The following ESRRG variants were observed in gnomAD, a reference collection of about 807,000 sequenced individuals.
ESRRG encodes the protein estrogen related receptor gamma, also known as estrogen-related receptor gamma.
A neutral mutation model predicts 44.0 loss-of-function variants in ESRRG; 13 were observed. The ratio of observed to expected loss-of-function variants is 0.30; its 90% confidence interval spans 0.19 to 0.47. The LOEUF (loss-of-function observed/expected upper bound fraction) is 0.47. Among genes scored for constraint, ESRRG ranks in the 20% least tolerant of loss-of-function variants. The pLI is 1.00. For missense variants in ESRRG, 395 were observed against 580.6 expected (o/e 0.68, Z 3.29); for synonymous variants, 215 against 214.6 (o/e 1.00, Z -0.02).
At chr1:217,062,017 C>T (rs564173476) in intron 1 of ESRRG, among the ~76,000 whole-genome samples, 1 of 152,084 alleles carries the variant, frequency 6.6e-6, no homozygotes, top group African/African-American at 2.4e-5. Flanking sequence ...ATCAAGCATT[C>T]GTTAATGAAT....
intron 6 of ESRRG, among the ~76,000 whole-genome samples, chr1:216,507,949 G>T (rs761595551): frequency 1.3e-5 from 2 of 152,202 alleles, no homozygotes; most frequent in African/African-American, 2.4e-5. Flanking sequence ...AATGTGAGAT[G>T]TGGGGAAAAA....
rs76576502 is a variant in ESRRG, at chr1:216,973,826, C to CAA, written c.-105-34155_-105-34154dup. On this transcript the variant is annotated intron_variant, in intron 1 of 7. Coordinates refer to the ESRRG transcript ENST00000359162. ...GGGCAACAAGAGTGAAACTCTGTCT[C>CAA]AAAAAAAAAAAAAAAAGAATAAAAG... Among the ~76,000 whole-genome samples the CAA allele has an allele frequency of 3.8e-3, 438 of 116,420 alleles. 5 individuals carry two copies. The highest frequency in any genetic ancestry group is 0.03 in the East Asian group (133 of 4,492). 76.4% of individuals were successfully genotyped at this position (116,420 alleles called of 152,430 possible).
chr1:216,939,925 T>C (rs2064933375), intron 1 of ESRRG, among the ~76,000 whole-genome samples: 1 of 152,164 alleles, frequency 6.6e-6, no homozygotes, highest in African/African-American at 2.4e-5. Context: ...ATTTCTTCCT[T>C]CTCAGCTTTA....
intron 2 of ESRRG, among the ~76,000 whole-genome samples, chr1:216,760,474 G>C (rs1268715437): frequency 1.3e-5 from 2 of 151,948 alleles, no homozygotes; most frequent in Non-Finnish European, 2.9e-5. Flanking sequence ...GTGGTAGCAT[G>C]CATCTGTAGT....
At chr1:217,059,200 A>C (rs2087818566) in intron 1 of ESRRG, among the ~76,000 whole-genome samples, 1 of 149,960 alleles carries the variant, frequency 6.7e-6, no homozygotes, top group African/African-American at 2.4e-5. Context: ...GGTGAACTAT[A>C]CTAGTTACTA....
intron 2 of ESRRG, among the ~76,000 whole-genome samples, chr1:216,779,154 A>G (rs1232192281): frequency 9.9e-6 from 1 of 100,566 alleles, no homozygotes; most frequent in Non-Finnish European, 2.0e-5. Flanking sequence ...ATTTATATAT[A>G]TATAAAATAA....
At chr1:216,981,307 A>G (rs2073926203) in intron 1 of ESRRG, among the ~76,000 whole-genome samples, 1 of 152,194 alleles carries the variant, frequency 6.6e-6, no homozygotes, top group African/African-American at 2.4e-5. Context: ...AAAGAACGTA[A>G]TCTAATACAA....
At chr1:216,879,484 C>CA (rs755104959) in intron 2 of ESRRG, among the ~76,000 whole-genome samples, 21,254 of 89,458 alleles carry the variant, frequency 0.24, 3,228 homozygotes, top group African/African-American at 0.47. Context: ...AAAAGGCCAC[C>CA]AAAAAAAAAA....
intron 2 of ESRRG, among the ~76,000 whole-genome samples, chr1:216,844,050 AT>A (rs1393836133): frequency 1.3e-5 from 2 of 152,066 alleles, no homozygotes; most frequent in Admixed American, 6.5e-5. Context: ...GACAATGAAA[AT>A]ACAATTCTTT....
At position 216,569,868 on chromosome 1, in the gene ESRRG, C is replaced by G. The variant is rs138277482; in HGVS notation, c.590-1770G>C. Among the ~76,000 whole-genome samples, 196 of 152,238 alleles carry G rather than the reference C, an allele frequency of 1.3e-3. 1 individual carries two copies. The highest frequency in any genetic ancestry group is 4.5e-3 in the African/African-American group (187 of 41,548). ...AATATGCGACGGGCTCTGTAAAACT[C>G]TAAGAGGAAGCTACATAGCACATGC... On this transcript the variant is annotated intron_variant, in intron 3 of 6. Coordinates refer to ENST00000408911, the MANE Select transcript of ESRRG (RefSeq NM_001438.4).
At chr1:216,553,191 C>T (rs779868449) in intron 5 of ESRRG, among the ~76,000 whole-genome samples, 3 of 152,140 alleles carry the variant, frequency 2.0e-5, no homozygotes, top group Non-Finnish European at 2.9e-5. Flanking sequence ...CTCCCTCTCT[C>T]CCTCTGCAGC....
intron 3 of ESRRG, among the ~76,000 whole-genome samples, chr1:216,615,025 T>C (rs1369962536): frequency 2.0e-5 from 3 of 152,162 alleles, no homozygotes; most frequent in African/African-American, 7.2e-5. Context: ...AGGAGTAAAA[T>C]GAAAAATTCA....
At chr1:217,091,759 C>G (rs996399841), upstream of ESRRG, among the ~76,000 whole-genome samples, 2 of 152,118 alleles carry the variant, frequency 1.3e-5, no homozygotes, top group African/African-American at 4.8e-5. Flanking sequence ...AGGGCAAAGG[C>G]CTATTGAGAA....
chr1:217,021,599 T>G (rs2080337713), intron 1 of ESRRG, among the ~76,000 whole-genome samples: 1 of 152,306 alleles, frequency 6.6e-6, no homozygotes, highest in South Asian at 2.1e-4. Context: ...CACCTCTCCA[T>G]GACTCCATTC....
intron 3 of ESRRG, among the ~76,000 whole-genome samples, chr1:216,597,017 T>A (rs962589038): frequency 6.6e-6 from 1 of 152,172 alleles, no homozygotes; most frequent in African/African-American, 2.4e-5. Context: ...TTATCCTTTT[T>A]AAATGTTTAA....
chr1:216,765,911 T>A (rs1311854535), intron 2 of ESRRG, among the ~76,000 whole-genome samples: 2 of 152,152 alleles, frequency 1.3e-5, no homozygotes, highest in African/African-American at 4.8e-5. Flanking sequence ...AAATGGAGTA[T>A]TACGGATCCC....
intron 2 of ESRRG, among the ~76,000 whole-genome samples, chr1:216,908,866 C>T (rs1025651): frequency 0.72 from 108,988 of 150,924 alleles, 40,091 homozygotes; most frequent in East Asian, 0.92. Context: ...CTCTACACCA[C>T]AGATTTCGCT....
chr1:217,098,357 G>C (rs10863295), intron 1 of ESRRG, among the ~76,000 whole-genome samples: 25,997 of 152,030 alleles, frequency 0.17, 2,579 homozygotes, highest in African/African-American at 0.26. Context: ...TTTAACACCT[G>C]ATTTTATTTA....
At chr1:216,778,482 G>A (rs1251405563) in intron 2 of ESRRG, among the ~76,000 whole-genome samples, 2 of 151,920 alleles carry the variant, frequency 1.3e-5, no homozygotes, top group East Asian at 3.9e-4. Flanking sequence ...CTACAGAAGT[G>A]TTGTGTCGGG....
Sources: gnomAD v4.1 joint callset for allele counts (sites outside exome capture counted in the v4.1 genomes callset) on GRCh38, gnomAD v4.1.1 for gene constraint, MANE v1.5 for transcripts, NCBI Gene and HGNC (gene_info 2026-07-23, HGNC 2026-07-21) for gene names.